Variants in TNNI3K observed in about 807,000 individuals in gnomAD.
The protein encoded by TNNI3K is serine/threonine-protein kinase TNNI3K.
TNNI3K carries 140 observed loss-of-function variants against 114.5 expected under a neutral mutation model. That is an observed-to-expected ratio of 1.22 (90% CI 1.07 to 1.41). TNNI3K has a LOEUF of 1.41. TNNI3K is among the 40% of genes most tolerant of loss of function. The pLI is 0.00. For synonymous variants in TNNI3K, 347 were observed against 347.5 expected (o/e 1.00, Z 0.02); for missense variants, 1,125 against 1,007.6 (o/e 1.12, Z -1.58).
At chr1:74,543,364 A>G (rs10890132) in intron 24 of TNNI3K, among the ~76,000 whole-genome samples, 144,452 of 152,174 alleles carry the variant, frequency 0.95, 68,605 homozygotes, top group Middle Eastern at 0.97. Flanking sequence ...GAGCCACTGC[A>G]CCTGGACTCT....
intron 17 of TNNI3K, among the ~76,000 whole-genome samples, chr1:74,410,286 T>C (rs1337921221): frequency 6.6e-6 from 1 of 152,192 alleles, no homozygotes; most frequent in Non-Finnish European, 1.5e-5. Context: ...TTTCTTGTTT[T>C]AAAACTGGAA....
rs977053468 is a variant in TNNI3K at position 74,236,340 on chromosome 1, T to G, written c.149+130T>G. ...AGCAGTCATGTTCTAAGCCTTAGGA[T>G]GTCAGATTATCTCTCTTTGACCACT... On this transcript the variant is annotated intron_variant, in intron 2 of 24. Transcript: ENST00000326637. 1.3e-5 allele frequency: 9 copies of G among 672,370 alleles called. No individual in the cohort carries two copies. The African/African-American group carries it at 1.7e-4, about 13-fold the overall frequency. The allele number at this position is 672,370 out of a possible 1,614,324, so 41.7% of individuals were successfully genotyped here.
At chr1:74,471,604 T>A (rs188602629) in intron 21 of TNNI3K, 1 of 400,822 alleles carries the variant, frequency 2.5e-6, no homozygotes, top group Non-Finnish European at 4.4e-6. Flanking sequence ...AACATCCAAC[T>A]TAGTCAGTTG....
At chr1:74,349,138 ATG>A (rs1661188788) in intron 9 of TNNI3K, among the ~76,000 whole-genome samples, 2 of 152,186 alleles carry the variant, frequency 1.3e-5, no homozygotes, top group Admixed American at 1.3e-4. Flanking sequence ...TGGGTTTGTC[ATG>A]CATAGCTCTT....
intron 23 of TNNI3K, among the ~76,000 whole-genome samples, chr1:74,521,528 A>G (rs1646432648): frequency 6.6e-6 from 1 of 152,152 alleles, no homozygotes; most frequent in African/African-American, 2.4e-5. Context: ...ATATATATAT[A>G]TACACCTATA....
At chr1:74,404,500 C>T (rs892291493) in intron 17 of TNNI3K, among the ~76,000 whole-genome samples, 1 of 152,180 alleles carries the variant, frequency 6.6e-6, no homozygotes, top group African/African-American at 2.4e-5. Flanking sequence ...GACAGTAGTT[C>T]TCACACTTCA....
intron 5 of TNNI3K, among the ~76,000 whole-genome samples, chr1:74,275,789 G>A (rs1367727056): frequency 6.6e-6 from 1 of 152,030 alleles, no homozygotes; most frequent in East Asian, 1.9e-4. Flanking sequence ...AATGCAAGAA[G>A]CAATTACTGT....
rs575684930 is a variant in TNNI3K at position 74,483,377 on chromosome 1, T to A, written c.2122-5812T>A. 1.0e-4 allele frequency: 73 copies of A among 716,966 alleles called. No individual in the cohort carries two copies. The Middle Eastern group carries it at 1.8e-3, about 18-fold the overall frequency. The allele number at this position is 716,966 out of a possible 1,614,324, so 44.4% of individuals were successfully genotyped here. ...TGGCAAAGAGTACCAGCCATCCACC[T>A]GAAAGGAAAGTAGAGGGCAATGTAT... On this transcript the variant is annotated intron_variant, in intron 21 of 24. Transcript: ENST00000326637.
intron 23 of TNNI3K, among the ~76,000 whole-genome samples, chr1:74,513,381 G>A (rs1481954168): frequency 6.6e-6 from 1 of 152,170 alleles, no homozygotes; most frequent in East Asian, 1.9e-4. Flanking sequence ...ACTGGTAGTA[G>A]GAGTTGAGAA....
intron 5 of TNNI3K, among the ~76,000 whole-genome samples, chr1:74,307,425 T>C (rs1047371884): frequency 1.3e-5 from 2 of 152,090 alleles, no homozygotes; most frequent in African/African-American, 4.8e-5. Context: ...AGGCTCAAAG[T>C]AACAGGATGG....
chr1:74,397,950 C>A (rs771434652), intron 17 of TNNI3K, among the ~76,000 whole-genome samples: 1 of 152,174 alleles, frequency 6.6e-6, no homozygotes, highest in Non-Finnish European at 1.5e-5. Context: ...TGCTACACAC[C>A]TTTGGAAAGA....
At chr1:74,448,932 G>A (rs1355802363) in intron 20 of TNNI3K, among the ~76,000 whole-genome samples, 25 of 63,586 alleles carry the variant, frequency 3.9e-4, no homozygotes, top group Non-Finnish European at 7.0e-4. Flanking sequence ...CTCTTTTTTG[G>A]TTGTGTCTCT....
chr1:74,480,595 C>T (rs1047904558), intron 21 of TNNI3K: 4 of 717,210 alleles, frequency 5.6e-6, no homozygotes, highest in Non-Finnish European at 1.0e-5. Context: ...TGTGGAGATT[C>T]GTGCCTCCGA....
chr1:74,480,535 T>C (rs1668436782), intron 21 of TNNI3K: 4 of 717,348 alleles, frequency 5.6e-6, no homozygotes, highest in South Asian at 1.5e-5. Flanking sequence ...GGAAGGCATC[T>C]TTCCCAATGT....
chr1:74,540,426 C>T (rs369403465), intron 24 of TNNI3K, 113 bp downstream of exon 24: 1 of 970,860 alleles, frequency 1.0e-6, no homozygotes, highest in South Asian at 1.8e-5. Flanking sequence ...ATGACAGATG[C>T]TTTAAAAATA....
At chr1:74,325,344 G>A (rs1223231291) in intron 5 of TNNI3K, among the ~76,000 whole-genome samples, 1 of 152,064 alleles carries the variant, frequency 6.6e-6, no homozygotes, top group East Asian at 1.9e-4. Flanking sequence ...CGCTCAGCCA[G>A]GTCTGTGGGA....
At chr1:74,432,962 A>G (rs1222528291) in intron 17 of TNNI3K, among the ~76,000 whole-genome samples, 2 of 152,034 alleles carry the variant, frequency 1.3e-5, no homozygotes, top group Admixed American at 6.6e-5. Context: ...TAAAATAGGT[A>G]TGCTAATACC....
chr1:74,539,820 T>C (rs1646704264), intron 23 of TNNI3K, among the ~76,000 whole-genome samples: 1 of 151,882 alleles, frequency 6.6e-6, no homozygotes, highest in Non-Finnish European at 1.5e-5. Flanking sequence ...CTTATTATCA[T>C]AAAAATAATA....
chr1:74,366,006 G>A lies in TNNI3K; in HGVS notation c.1178-1250G>A, dbSNP rs190217851. Among the ~76,000 whole-genome samples, 275 of 149,220 alleles carry A rather than the reference G, an allele frequency of 1.8e-3. 3 individuals carry two copies. The highest frequency in any genetic ancestry group is 4.3e-4 in the Non-Finnish European group (29 of 67,448). Reference sequence around the variant, plus strand: ...CTTGTTACCTTTGGAAAAGCTTTTCGTGTTTGTAAATACCATGATTTTTCC... The same window carrying A: ...CTTGTTACCTTTGGAAAAGCTTTTCATGTTTGTAAATACCATGATTTTTCC... On this transcript the variant is annotated intron_variant, in intron 11 of 24. Coordinates refer to ENST00000326637, the MANE Select transcript of TNNI3K (RefSeq NM_015978.3).
Sources: gnomAD v4.1 joint callset for allele counts (sites outside exome capture counted in the v4.1 genomes callset) on GRCh38, gnomAD v4.1.1 for gene constraint, MANE v1.5 for transcripts, NCBI Gene and HGNC (gene_info 2026-07-23, HGNC 2026-07-21) for gene names.